RELL1: variants seen among roughly 807,000 people sequenced by gnomAD.
The protein encoded by RELL1 is RELT-like protein 1.
Under a neutral mutation model 23.0 loss-of-function variants are expected in RELL1, and 10 were observed. That is an observed-to-expected ratio of 0.43 (90% CI 0.27 to 0.74). The LOEUF (loss-of-function observed/expected upper bound fraction) is 0.74. RELL1 is among the 30% of genes least tolerant of loss of function. The probability of loss-of-function intolerance (pLI) is 0.19; values close to 1 mark genes in which losing one functional copy is unlikely to be tolerated. For synonymous variants in RELL1, 146 were observed against 146.8 expected, an observed-to-expected ratio of 0.99 and a Z score of 0.04; for missense variants, 315 against 364.4, an observed-to-expected ratio of 0.86 and a Z score of 1.10.
chr4:37,685,175 G>A (rs921470489), intron 1 of RELL1, among the ~76,000 whole-genome samples: 5 of 152,190 alleles, frequency 3.3e-5, no homozygotes, highest in Non-Finnish European at 7.3e-5. Flanking sequence ...ATGTTCTCAG[G>A]AGGAAGAGTT....
chr4:37,673,380 C>T (rs1475205521), intron 1 of RELL1, among the ~76,000 whole-genome samples: 8 of 151,448 alleles, frequency 5.3e-5, no homozygotes, highest in Non-Finnish European at 7.4e-5. Context: ...TTTGTAGAGA[C>T]GGGGTCTTGC....
intron 1 of RELL1, among the ~76,000 whole-genome samples, chr4:37,673,176 C>CTTTTT (rs970597747): frequency 2.0e-5 from 1 of 49,960 alleles, no homozygotes; most frequent in East Asian, 5.3e-4. Context: ...AGACTATATA[C>CTTTTT]TTTTTTTTTC....
At chr4:37,669,807 G>A (rs901252379) in intron 1 of RELL1, among the ~76,000 whole-genome samples, 10 of 152,018 alleles carry the variant, frequency 6.6e-5, no homozygotes, top group Non-Finnish European at 1.3e-4. Context: ...GGCGGTGCAA[G>A]ATGTGCTTTG....
intron 3 of RELL1, among the ~76,000 whole-genome samples, chr4:37,640,860 C>A (rs535057338): frequency 6.6e-6 from 1 of 151,988 alleles, no homozygotes; most frequent in East Asian, 1.9e-4. Flanking sequence ...CTTACTCTGC[C>A]AACATTTACC....
At chr4:37,607,751 TTTC>T (rs1270000012), downstream of RELL1, among the ~76,000 whole-genome samples, 7 of 152,060 alleles carry the variant, frequency 4.6e-5, no homozygotes, top group African/African-American at 1.7e-4. Flanking sequence ...GGCTAATTTT[TTTC>T]TTTTTTTTGT....
At chr4:37,641,472 G>A (rs1720528700) in intron 3 of RELL1, among the ~76,000 whole-genome samples, 1 of 152,124 alleles carries the variant, frequency 6.6e-6, no homozygotes, top group African/African-American at 2.4e-5. Flanking sequence ...TTCTGTTGAA[G>A]GTGTATCTCC....
intron 1 of RELL1, among the ~76,000 whole-genome samples, chr4:37,664,139 A>C (rs1365340973): frequency 6.6e-6 from 1 of 152,174 alleles, no homozygotes; most frequent in Non-Finnish European, 1.5e-5. Flanking sequence ...GCACTTTGGG[A>C]GGCCGAGGCA....
chr4:37,624,418 CTTT>C (rs35118296), intron 6 of RELL1, among the ~76,000 whole-genome samples: 115 of 111,308 alleles, frequency 1.0e-3, no homozygotes, highest in African/African-American at 2.4e-3. Flanking sequence ...TTCTTTCTTT[CTTT>C]TTTTTTTTTT....
intron 1 of RELL1, among the ~76,000 whole-genome samples, chr4:37,654,794 C>T (rs1721067532): frequency 6.6e-6 from 1 of 152,094 alleles, no homozygotes; most frequent in African/African-American, 2.4e-5. Context: ...TACAGGAAAA[C>T]ACTATGATCC....
chr4:37,672,382 G>A (rs1220533605), intron 1 of RELL1, among the ~76,000 whole-genome samples: 1 of 151,948 alleles, frequency 6.6e-6, no homozygotes, highest in African/African-American at 2.4e-5. Flanking sequence ...AATCCCAAGG[G>A]TTATTTTTAG....
At chr4:37,661,267 C>CTGCT (rs1721345055) in intron 1 of RELL1, among the ~76,000 whole-genome samples, 1 of 150,480 alleles carries the variant, frequency 6.6e-6, no homozygotes, top group Non-Finnish European at 1.5e-5. Flanking sequence ...TAAGTTAATT[C>CTGCT]TGTTTGTTTG....
chr4:37,677,140 T>G (rs1722046411), intron 1 of RELL1, among the ~76,000 whole-genome samples: 1 of 152,234 alleles, frequency 6.6e-6, no homozygotes, highest in South Asian at 2.1e-4. Context: ...GCCAAAGTTC[T>G]TCCTAGTCCT....
intron 1 of RELL1, 118 bp downstream of exon 1, chr4:37,686,082 C>T (rs888544830): frequency 9.1e-6 from 8 of 883,380 alleles, no homozygotes; most frequent in Non-Finnish European, 1.4e-5. Context: ...GTGCCGGGAT[C>T]CCGCGGCTGT....
intron 6 of RELL1, among the ~76,000 whole-genome samples, chr4:37,600,780 C>CATGTGTGT (rs71600512): frequency 1.4e-5 from 2 of 147,680 alleles, no homozygotes; most frequent in Middle Eastern, 3.5e-3. Flanking sequence ...TGGATTTGTG[C>CATGTGTGT]GTGTGTGTGT....
At chr4:37,677,343 C>T (rs1467056) in intron 1 of RELL1, among the ~76,000 whole-genome samples, 6,079 of 152,308 alleles carry the variant, frequency 0.04, 188 homozygotes, top group African/African-American at 0.087. Context: ...TCAGTTTCTG[C>T]ATCTGCTAAA....
chr4:37,622,914 C>G (rs1199445596), intron 6 of RELL1: 2 of 432,002 alleles, frequency 4.6e-6, no homozygotes, highest in East Asian at 7.1e-5. Flanking sequence ...AACTGACTCT[C>G]CTGCCTCAGC....
intron 3 of RELL1, among the ~76,000 whole-genome samples, chr4:37,640,083 C>G (rs570435064): frequency 1.3e-5 from 2 of 151,654 alleles, no homozygotes; most frequent in Admixed American, 6.6e-5. Flanking sequence ...TTTTTTTTGG[C>G]CCCGATCCAA....
chr4:37,615,953 A>G (rs550329095), intron 6 of RELL1, among the ~76,000 whole-genome samples: 42 of 152,138 alleles, frequency 2.8e-4, no homozygotes, highest in Non-Finnish European at 5.7e-4. Flanking sequence ...ACAAATATCT[A>G]TGCCTTGTTA....
At chr4:37,600,085 C>T (rs908640932) in intron 6 of RELL1, among the ~76,000 whole-genome samples, 5 of 152,072 alleles carry the variant, frequency 3.3e-5, no homozygotes, top group African/African-American at 4.8e-5. Flanking sequence ...GCCTGGCCAA[C>T]GTGGCAAAAC....
Sources: allele counts gnomAD v4.1 joint callset (sites outside exome capture counted in the v4.1 genomes callset), GRCh38; gene constraint gnomAD v4.1.1; transcripts MANE v1.5; gene names NCBI Gene and HGNC (gene_info 2026-07-23, HGNC 2026-07-21).